GDAP2: variants seen among roughly 807,000 people sequenced by gnomAD.
GDAP2 encodes the protein ganglioside induced differentiation associated protein 2, also known as ganglioside-induced differentiation-associated protein 2.
GDAP2 carries 51 observed loss-of-function variants against 67.0 expected under a neutral mutation model. The ratio of observed to expected loss-of-function variants is 0.76; its 90% confidence interval spans 0.61 to 0.96. GDAP2 has a LOEUF of 0.96. GDAP2 is among the 40% of genes least tolerant of loss of function. The pLI is 0.00. For synonymous variants in GDAP2, 203 were observed against 207.3 expected, an observed-to-expected ratio of 0.98 and a Z score of 0.18; for missense variants, 547 against 588.3, an observed-to-expected ratio of 0.93 and a Z score of 0.73.
intron 13 of GDAP2, among the ~76,000 whole-genome samples, chr1:117,871,510 A>T (rs1390332135): frequency 6.6e-6 from 1 of 152,238 alleles, no homozygotes; most frequent in Non-Finnish European, 1.5e-5. Flanking sequence ...ATGAAGAATA[A>T]GTAGAAGAAA....
Position 117,909,377 on chromosome 1 carries a change from C to A in GDAP2, c.559+2617G>T, listed in dbSNP as rs528254903. Among the ~76,000 whole-genome samples, 11 of 151,902 alleles carry A rather than the reference C, an allele frequency of 7.2e-5. No homozygotes were observed. The East Asian group carries it at 2.1e-3, about 29-fold the overall frequency. Reference sequence around the variant, plus strand: ...TTTTTCTGGAGAAAAACAAACTGCACATGAACTAAGAAAAAAAAAGCACGT... The same window carrying A: ...TTTTTCTGGAGAAAAACAAACTGCAAATGAACTAAGAAAAAAAAAGCACGT... On this transcript the variant is annotated intron_variant, in intron 5 of 13. Transcript: ENST00000369443.
At chr1:117,894,836 G>A (rs575007121) in intron 8 of GDAP2, among the ~76,000 whole-genome samples, 1 of 152,224 alleles carries the variant, frequency 6.6e-6, no homozygotes, top group African/African-American at 2.4e-5. Context: ...GATAAAACTT[G>A]AGCTTTAAAT....
At chr1:117,874,703 G>A (rs185743140) in intron 13 of GDAP2, among the ~76,000 whole-genome samples, 4 of 152,312 alleles carry the variant, frequency 2.6e-5, no homozygotes, top group East Asian at 1.9e-4. Context: ...AAGACTTAGG[G>A]AAAGTTTGAA....
In GDAP2 at chr1:117,918,725, A is replaced by G; in HGVS notation, c.188T>C (p.Val63Ala). Residue 63 changes from valine (V) to alanine (A), a missense_variant, in exon 3 of 14, where the codon GTG becomes GCG. Val to Ala is a moderately conservative substitution (Grantham distance 64). Coordinates refer to ENST00000369443, the MANE Select transcript of GDAP2 (RefSeq NM_017686.4). ...AATGGCTGTACAGTTCAGTAATGCC[A>G]CATCTCCTTTCCTGAAGAAACAATA... ...NGKVVLWKGD[V>A]ALLNCTAIVN... The G allele has an allele frequency of 1.2e-6, 2 of 1,603,068 alleles. 1 individual carries two copies. Among genetic ancestry groups the G allele is most frequent in the Middle Eastern group, 3.3e-4 (2 of 6,036 alleles).
At chr1:117,882,249 A>C (rs887480702) in intron 11 of GDAP2, among the ~76,000 whole-genome samples, 5 of 152,126 alleles carry the variant, frequency 3.3e-5, no homozygotes, top group Non-Finnish European at 7.4e-5. Flanking sequence ...ATTTTAAACT[A>C]AAAGTTTCAA....
intron 8 of GDAP2, among the ~76,000 whole-genome samples, chr1:117,893,640 GA>G (rs1421305108): frequency 1.3e-5 from 2 of 152,166 alleles, no homozygotes; most frequent in African/African-American, 4.8e-5. Context: ...GAAATATCAA[GA>G]GAAAGAAATT....
At chr1:117,898,936 T>G in intron 7 of GDAP2, 121 bp downstream of exon 7, 2 of 713,000 alleles carry the variant, frequency 2.8e-6, no homozygotes, top group South Asian at 3.4e-5. Context: ...CTGGTCTTGA[T>G]AGTAGTCATG....
chr1:117,904,448 A>G (rs997787669), intron 6 of GDAP2, among the ~76,000 whole-genome samples: 1 of 152,242 alleles, frequency 6.6e-6, no homozygotes, highest in African/African-American at 2.4e-5. Flanking sequence ...TATTTACTTG[A>G]TACAAAGAGG....
Position 117,865,340 on chromosome 1 carries a change from A to C in GDAP2, c.*5229T>G, listed in dbSNP as rs1048050507. On this transcript the variant is annotated 3_prime_UTR_variant, in exon 14 of 14. Coordinates refer to ENST00000369443, the MANE Select transcript of GDAP2 (RefSeq NM_017686.4). ...ATTTGTATAGAGTGAGACCCTCTTTAAAAGGGATCTAACTTCTAATTCAGA... is the reference window on the plus strand; with the variant it reads ...ATTTGTATAGAGTGAGACCCTCTTTCAAAGGGATCTAACTTCTAATTCAGA... The C allele has an allele frequency of 1.3e-5, 2 of 152,214 alleles. No individual in the cohort carries two copies. The highest frequency in any genetic ancestry group is 2.9e-5 in the Non-Finnish European group (2 of 68,044). The allele number at this position is 152,214 out of a possible 1,614,324, so 9.4% of individuals were successfully genotyped here.
intron 13 of GDAP2, chr1:117,877,410 A>G: frequency 1.0e-6 from 1 of 968,322 alleles, no homozygotes; most frequent in South Asian, 4.8e-5. Flanking sequence ...TTTTTTTTTC[A>G]AAAATTACTA....
chr1:117,908,702 G>A (rs1375268609), intron 5 of GDAP2, among the ~76,000 whole-genome samples: 1 of 151,964 alleles, frequency 6.6e-6, no homozygotes, highest in African/African-American at 2.4e-5. Flanking sequence ...ACGCATGCCT[G>A]TAGTCCTAGC....
At chr1:117,895,276 C>A (rs1007705011) in intron 8 of GDAP2, among the ~76,000 whole-genome samples, 1 of 152,066 alleles carries the variant, frequency 6.6e-6, no homozygotes, top group Admixed American at 6.6e-5. Context: ...ATTAAAATCT[C>A]AGTGAGGTCA....
At chr1:117,895,686 G>A (rs886104745) in intron 8 of GDAP2, among the ~76,000 whole-genome samples, 1 of 152,128 alleles carries the variant, frequency 6.6e-6, no homozygotes, top group African/African-American at 2.4e-5. Context: ...TGCCTCACTT[G>A]GAAAAGCTGT....
intron 6 of GDAP2, among the ~76,000 whole-genome samples, chr1:117,904,824 A>G (rs901275405): frequency 1.3e-5 from 2 of 152,218 alleles, no homozygotes; most frequent in Non-Finnish European, 2.9e-5. Flanking sequence ...CCTCAGCTTC[A>G]AACTGATAAG....
At chr1:117,920,080 C>G (rs113263060) in intron 2 of GDAP2, 102 bp downstream of exon 2, 6 of 673,288 alleles carry the variant, frequency 8.9e-6, no homozygotes, top group Admixed American at 5.1e-5. Flanking sequence ...TATACGTATA[C>G]GCAAAGCTGT....
chr1:117,877,714 G>A, intron 13 of GDAP2: 5 of 1,097,510 alleles, frequency 4.6e-6, no homozygotes, highest in Non-Finnish European at 5.5e-6. Context: ...ATTAGGCAGA[G>A]GTATCTGTTT....
intron 7 of GDAP2, 146 bp downstream of exon 7, chr1:117,898,911 T>C: frequency 1.5e-6 from 1 of 663,452 alleles, no homozygotes; most frequent in Non-Finnish European, 2.7e-6. Flanking sequence ...AGAATAGAAC[T>C]TGAAAACTTC....
At chr1:117,873,526 TTTC>T (rs1319893532) in intron 13 of GDAP2, among the ~76,000 whole-genome samples, 2 of 152,112 alleles carry the variant, frequency 1.3e-5, no homozygotes, top group African/African-American at 2.4e-5. Context: ...TCTATACTCA[TTTC>T]TTTTCTCTGA....
At chr1:117,888,909 C>T (rs745520469) in intron 8 of GDAP2, among the ~76,000 whole-genome samples, 2 of 152,088 alleles carry the variant, frequency 1.3e-5, no homozygotes, top group African/African-American at 2.4e-5. Context: ...CTGTCACATA[C>T]AGACTGAAAT....
Sources: allele counts gnomAD v4.1 joint callset (sites outside exome capture counted in the v4.1 genomes callset), GRCh38; gene constraint gnomAD v4.1.1; transcripts MANE v1.5; gene names NCBI Gene and HGNC (gene_info 2026-07-23, HGNC 2026-07-21).